The following R3HCC1L variants were observed in gnomAD, a reference collection of about 807,000 sequenced individuals.
The protein encoded by R3HCC1L is R3H domain and coiled-coil containing 1 like.
R3HCC1L carries 51 observed loss-of-function variants against 59.9 expected under a neutral mutation model. That is an observed-to-expected ratio of 0.85 (90% confidence interval 0.68 to 1.07). The LOEUF is 1.07. Ranked by LOEUF, R3HCC1L falls within the 50% of genes least tolerant of loss-of-function variation. R3HCC1L has a pLI of 0.00. For missense variants in R3HCC1L, 965 were observed against 933.0 expected (o/e 1.03, Z -0.45); for synonymous variants, 322 against 315.2 (o/e 1.02, Z -0.23).
chr10:98,135,311 TG>T (rs1844447847), intron 1 of R3HCC1L, among the ~76,000 whole-genome samples: 1 of 152,214 alleles, frequency 6.6e-6, no homozygotes, highest in African/African-American at 2.4e-5. Context: ...TCTGATATCC[TG>T]GGGGAAGTCT....
chr10:98,231,386 A>G (rs1164414430), intron 5 of R3HCC1L, 126 bp from the exon 6 acceptor site: 13 of 849,626 alleles, frequency 1.5e-5, no homozygotes, highest in Non-Finnish European at 2.4e-5. Flanking sequence ...TAATACAGAG[A>G]CTATGCCAAA....
At chr10:98,201,411 A>G (rs1379132100) in intron 4 of R3HCC1L, among the ~76,000 whole-genome samples, 1 of 152,264 alleles carries the variant, frequency 6.6e-6, no homozygotes, top group Admixed American at 6.5e-5. Flanking sequence ...AAGACATTTT[A>G]TAATTCCAAA....
intron 4 of R3HCC1L, among the ~76,000 whole-genome samples, chr10:98,196,673 A>G (rs1194097255): frequency 6.6e-6 from 1 of 152,156 alleles, no homozygotes; most frequent in Non-Finnish European, 1.5e-5. Flanking sequence ...TAATCTGACC[A>G]CTTCTTATGA....
chr10:98,215,191 A>G (rs1329351941), intron 5 of R3HCC1L, among the ~76,000 whole-genome samples: 1 of 152,206 alleles, frequency 6.6e-6, no homozygotes, highest in Non-Finnish European at 1.5e-5. Context: ...AACAATATTT[A>G]AACAGTGTAC....
At chr10:98,195,816 C>T (rs960225501) in intron 4 of R3HCC1L, among the ~76,000 whole-genome samples, 6 of 152,110 alleles carry the variant, frequency 3.9e-5, no homozygotes, top group South Asian at 4.1e-4. Context: ...AAAAATTCAT[C>T]GATAAATATT....
chr10:98,175,386 T>A (rs1234436518), intron 4 of R3HCC1L, among the ~76,000 whole-genome samples: 2 of 152,142 alleles, frequency 1.3e-5, no homozygotes, highest in African/African-American at 2.4e-5. Flanking sequence ...TTGACAAACA[T>A]GCAGTTGTGT....
rs143068330 is a variant in R3HCC1L, at chr10:98,216,104, A to G, written c.1785+6205A>G. Among the ~76,000 whole-genome samples the G allele has an allele frequency of 7.7e-3, 1,178 of 152,264 alleles. 9 individuals are homozygous for G. Among genetic ancestry groups the G allele is most frequent in the Non-Finnish European group, 0.013 (869 of 67,994 alleles). On this transcript the variant is annotated intron_variant, in intron 5 of 9. Coordinates refer to ENST00000298999, the MANE Select transcript of R3HCC1L (RefSeq NM_001351015.2). ...AAATTTTGTTTTCTTTTTATAATTT[A>G]TTCTGAATTTTCTTCATGATTAACC...
chr10:98,209,386 T>C lies in R3HCC1L; in HGVS notation c.1272T>C (p.Pro424=). The change falls in exon 5 of 10, where the codon CCT becomes CCC. Residue 424 remains proline (P), a synonymous_variant. Coordinates refer to ENST00000298999, the MANE Select transcript of R3HCC1L (RefSeq NM_001351015.2). The stretch of plus-strand genomic sequence containing the variant: ...TAGGAATGAGTGCAGATGCAACCCC[T>C]CTTCATGTAGCTAGAAGTGGGAATG... The part of the protein sequence containing the change: ...KFVGMSADAT[P]LHVARSGNDT... The C allele has an allele frequency of 1.2e-6, 2 of 1,613,924 alleles. No individual in the cohort carries two copies. Among genetic ancestry groups the C allele is most frequent in the Non-Finnish European group, 1.7e-6 (2 of 1,179,962 alleles).
intron 4 of R3HCC1L, among the ~76,000 whole-genome samples, chr10:98,189,228 A>C (rs1850568545): frequency 6.6e-6 from 1 of 152,158 alleles, no homozygotes; most frequent in Non-Finnish European, 1.5e-5. Context: ...AGAAACAATA[A>C]AAATCAGGTA....
Position 98,163,406 on chromosome 10 carries a change from CCTTTA to C in R3HCC1L, c.-15+13_-15+17del. The stretch of plus-strand genomic sequence containing the variant: ...TAAATGTTACTTACATGGTAAGTTG[CCTTTA>C]CTTATGCATATTTTATAGAAATACT... On this transcript the variant is annotated intron_variant, in intron 4 of 9. Coordinates refer to ENST00000298999, the MANE Select transcript of R3HCC1L (RefSeq NM_001351015.2). 7.6e-7 allele frequency: 1 copy of C among 1,324,058 alleles called. No individual in the cohort carries two copies. Among genetic ancestry groups the C allele is most frequent in the Non-Finnish European group, 1.0e-6 (1 of 991,234 alleles). 82.0% of individuals were successfully genotyped at this position (1,324,058 alleles called of 1,614,324 possible). A position where few individuals can be genotyped will look rare whatever the true frequency, so the allele number is the denominator to read the frequency against.
chr10:98,225,206 C>T (rs1855536928), intron 5 of R3HCC1L, among the ~76,000 whole-genome samples: 1 of 152,162 alleles, frequency 6.6e-6, no homozygotes, highest in African/African-American at 2.4e-5. Flanking sequence ...TGCCAAAGTA[C>T]ATAATCAGTA....
chr10:98,211,497 A>T, intron 5 of R3HCC1L: 1 of 1,132,044 alleles, frequency 8.8e-7, no homozygotes, highest in East Asian at 2.8e-5. Context: ...GAATATAGAG[A>T]TGTTATTAAG....
chr10:98,198,310 A>G (rs1851667922), intron 4 of R3HCC1L, among the ~76,000 whole-genome samples: 1 of 152,122 alleles, frequency 6.6e-6, no homozygotes, highest in Non-Finnish European at 1.5e-5. Flanking sequence ...CTAAATTACA[A>G]ACATACTAAA....
At chr10:98,231,106 AGAAACTAT>A (rs1466393885) in intron 5 of R3HCC1L, 2 of 384,000 alleles carry the variant, frequency 5.2e-6, no homozygotes, top group East Asian at 1.4e-4. Context: ...CTTCCAGAAA[AGAAACTAT>A]GAGCCTGGTC....
Position 98,209,049 on chromosome 10 carries a change from T to A in R3HCC1L, c.935T>A (p.Met312Lys), listed in dbSNP as rs753345303. The stretch of plus-strand genomic sequence containing the variant: ...GATACAGATTCCATTCCTGCAACTA[T>A]GGGTCACATCTCTCTGTCAGAGAGC... Reference protein sequence around the residue: ...QKDTDSIPATMGHISLSESTN... With the variant: ...QKDTDSIPATKGHISLSESTN... Residue 312 changes from methionine (M) to lysine (K), a missense_variant, in exon 5 of 10, where the codon ATG becomes AAG. Physicochemically the swap from Met to Lys is moderately conservative, Grantham distance 95. Coordinates refer to ENST00000298999, the MANE Select transcript of R3HCC1L (RefSeq NM_001351015.2). 6.2e-7 allele frequency: 1 copy of A among 1,613,498 alleles called. No homozygotes were observed. The highest frequency in any genetic ancestry group is 8.5e-7 in the Non-Finnish European group (1 of 1,179,436).
At chr10:98,164,369 T>A (rs1378042955) in intron 4 of R3HCC1L, among the ~76,000 whole-genome samples, 2 of 152,194 alleles carry the variant, frequency 1.3e-5, no homozygotes, top group Non-Finnish European at 2.9e-5. Context: ...ATCCTTAGAT[T>A]TGTTTTTTCT....
rs1847629881 is a variant in R3HCC1L at position 98,163,346 on chromosome 10, T to A, written c.-66T>A. 1.6e-6 allele frequency: 2 copies of A among 1,289,450 alleles called. No homozygotes were observed. Among genetic ancestry groups the A allele is most frequent in the South Asian group, 4.7e-5 (2 of 42,248 alleles). 79.9% of individuals were successfully genotyped at this position (1,289,450 alleles called of 1,614,324 possible). On this transcript the variant is annotated 5_prime_UTR_variant, in exon 4 of 10. Coordinates refer to ENST00000298999, the MANE Select transcript of R3HCC1L (RefSeq NM_001351015.2). ...ACACAGTTTGCCTTCAGAGACAGTC[T>A]ATCGGCATGTTGTAGAGTTTTATTA...
chr10:98,189,761 G>C (rs1850632378), intron 4 of R3HCC1L, among the ~76,000 whole-genome samples: 1 of 152,088 alleles, frequency 6.6e-6, no homozygotes, highest in Admixed American at 6.6e-5. Flanking sequence ...AATCAGTTGT[G>C]GTTCATTAGC....
In R3HCC1L at chr10:98,223,865, T is replaced by G. The variant is rs548427933; in HGVS notation, c.1786-7647T>G. On this transcript the variant is annotated intron_variant, in intron 5 of 9. Transcript: ENST00000298999. ...GGCCTCCAGGCATTTTACTTGGGTGTCAGCAGTGGCAGCAGTGTGCTGGGT... is the reference window on the plus strand; with the variant it reads ...GGCCTCCAGGCATTTTACTTGGGTGGCAGCAGTGGCAGCAGTGTGCTGGGT... Among the ~76,000 whole-genome samples, 9 of 152,284 alleles carry G rather than the reference T, an allele frequency of 5.9e-5. No individual in the cohort carries two copies. In the South Asian group the frequency reaches 1.0e-3, roughly 18 times the overall value.
Sources: gnomAD v4.1 joint callset for allele counts (sites outside exome capture counted in the v4.1 genomes callset) on GRCh38, gnomAD v4.1.1 for gene constraint, MANE v1.5 for transcripts, NCBI Gene and HGNC (gene_info 2026-07-23, HGNC 2026-07-21) for gene names.